Variants in PHF20 observed in about 807,000 individuals in gnomAD.
The protein encoded by PHF20 is glioma-expressed antigen 2.
A neutral mutation model predicts 113.5 loss-of-function variants in PHF20; 23 were observed. The observed-to-expected ratio is 0.20, with a 90% CI of 0.15 to 0.29. The LOEUF is 0.29. Ranked by LOEUF, PHF20 falls within the 10% of genes least tolerant of loss-of-function variation. PHF20 has a pLI of 1.00. For missense variants in PHF20, 943 were observed against 1,219.6 expected (o/e 0.77, Z 3.38); for synonymous variants, 434 against 457.3 (o/e 0.95, Z 0.65).
intron 9 of PHF20, among the ~76,000 whole-genome samples, chr20:35,893,906 GTGCCCCGCCAACA>G (rs2054927149): frequency 6.6e-6 from 1 of 152,236 alleles, no homozygotes; most frequent in African/African-American, 2.4e-5. Context: ...ATGAGCCACT[GTGCCCCGCCAACA>G]TGTACTGTTA....
At chr20:35,840,227 A>C (rs2042515749) in intron 2 of PHF20, among the ~76,000 whole-genome samples, 1 of 152,204 alleles carries the variant, frequency 6.6e-6, no homozygotes, top group Non-Finnish European at 1.5e-5. Flanking sequence ...TTCAGAGAAA[A>C]ACTGCATACA....
chr20:35,836,844 C>CAA (rs36116121), intron 2 of PHF20, among the ~76,000 whole-genome samples: 17 of 70,720 alleles, frequency 2.4e-4, no homozygotes, highest in East Asian at 4.3e-4. Flanking sequence ...GACTCCGTCT[C>CAA]AAAAAAAAAA....
At chr20:35,808,209 T>G (rs2041917484) in intron 2 of PHF20, among the ~76,000 whole-genome samples, 1 of 152,160 alleles carries the variant, frequency 6.6e-6, no homozygotes, top group African/African-American at 2.4e-5. Flanking sequence ...TCCTTTCCAA[T>G]CCTCTGCTTC....
chr20:35,926,563 A>G (rs1403746558), intron 13 of PHF20, among the ~76,000 whole-genome samples: 1 of 152,004 alleles, frequency 6.6e-6, no homozygotes, highest in African/African-American at 2.4e-5. Context: ...TTTAATTGTT[A>G]GTCTGTTTTC....
intron 2 of PHF20, among the ~76,000 whole-genome samples, chr20:35,836,504 C>T (rs1407110451): frequency 6.6e-6 from 1 of 152,120 alleles, no homozygotes; most frequent in Admixed American, 6.6e-5. Flanking sequence ...AGCACATAAA[C>T]ATAATATTCA....
At chr20:35,837,855 A>G (rs1338662387) in intron 2 of PHF20, among the ~76,000 whole-genome samples, 1 of 152,160 alleles carries the variant, frequency 6.6e-6, no homozygotes, top group African/African-American at 2.4e-5. Flanking sequence ...GATCTCTAAG[A>G]TGGTTTTTGC....
chr20:35,913,600 G>A (rs1222348127), intron 11 of PHF20, among the ~76,000 whole-genome samples: 1 of 152,202 alleles, frequency 6.6e-6, no homozygotes, highest in Non-Finnish European at 1.5e-5. Flanking sequence ...GCTGCAGGAT[G>A]GTACAGATGA....
chr20:35,875,451 T>C (rs534176442), intron 9 of PHF20, among the ~76,000 whole-genome samples: 1 of 152,144 alleles, frequency 6.6e-6, no homozygotes, highest in African/African-American at 2.4e-5. Flanking sequence ...TCCTAGCTCA[T>C]CTCGGCGGCT....
chr20:35,894,977 C>G (rs2054951266), intron 9 of PHF20, among the ~76,000 whole-genome samples: 1 of 152,154 alleles, frequency 6.6e-6, no homozygotes, highest in African/African-American at 2.4e-5. Context: ...GCCTCGGCCT[C>G]CTGAGTAAGC....
chr20:35,772,514 T>TA (rs1298461002), intron 1 of PHF20, among the ~76,000 whole-genome samples: 1 of 152,234 alleles, frequency 6.6e-6, no homozygotes, highest in Non-Finnish European at 1.5e-5. Context: ...TGGCTTTTTT[T>TA]ATCCTATTCT....
intron 10 of PHF20, among the ~76,000 whole-genome samples, chr20:35,900,583 C>T (rs2055075567): frequency 6.6e-6 from 1 of 152,128 alleles, no homozygotes; most frequent in Non-Finnish European, 1.5e-5. Context: ...CCTATAATTC[C>T]AGTGCTTTGG....
intron 13 of PHF20, among the ~76,000 whole-genome samples, chr20:35,927,157 T>C (rs923967194): frequency 1.3e-5 from 2 of 152,134 alleles, no homozygotes; most frequent in Non-Finnish European, 2.9e-5. Context: ...TAGCAACGAG[T>C]CAGGTTATGT....
At chr20:35,850,818 A>T in intron 4 of PHF20, 1 of 1,090,950 alleles carries the variant, frequency 9.2e-7, no homozygotes. Context: ...TTTGTTATGA[A>T]AATCAGGTGT....
At chr20:35,789,572 A>G (rs2041496899) in intron 1 of PHF20, among the ~76,000 whole-genome samples, 1 of 151,866 alleles carries the variant, frequency 6.6e-6, no homozygotes, top group Admixed American at 6.6e-5. Flanking sequence ...TTTGTGACGC[A>G]GTCTTGCTCT....
intron 12 of PHF20, 36 bp from the exon 13 acceptor site, chr20:35,917,448 C>T: frequency 1.3e-6 from 2 of 1,558,878 alleles, no homozygotes; most frequent in Non-Finnish European, 1.8e-6. Flanking sequence ...ATTTTATAAC[C>T]TAAAATAGTA....
At chr20:35,774,973 T>C (rs916866353) in intron 1 of PHF20, 2 of 152,254 alleles carry the variant, frequency 1.3e-5, no homozygotes, top group Non-Finnish European at 2.9e-5. Context: ...TTAGATGATG[T>C]GGCCATTAGG....
intron 2 of PHF20, among the ~76,000 whole-genome samples, chr20:35,826,292 C>T (rs775660127): frequency 1.3e-5 from 2 of 152,170 alleles, no homozygotes; most frequent in East Asian, 1.9e-4. Context: ...GATCTGCCCG[C>T]GTCGGCCTCC....
intron 4 of PHF20, chr20:35,850,742 T>C: frequency 1.8e-6 from 1 of 550,430 alleles, no homozygotes; most frequent in Non-Finnish European, 3.3e-6. Context: ...TTCCAATTTG[T>C]GTTGTTATAT....
chr20:35,865,389 G>A (rs145734217), intron 6 of PHF20, among the ~76,000 whole-genome samples: 5 of 151,036 alleles, frequency 3.3e-5, no homozygotes, highest in Non-Finnish European at 5.9e-5. Context: ...TAGTCCCAGC[G>A]ATTCCAGAGT....
Sources: gnomAD v4.1 joint callset for allele counts (sites outside exome capture counted in the v4.1 genomes callset) on GRCh38, gnomAD v4.1.1 for gene constraint, MANE v1.5 for transcripts, NCBI Gene and HGNC (gene_info 2026-07-23, HGNC 2026-07-21) for gene names.